Variants in RAD51B observed in about 807,000 individuals in gnomAD.
The protein encoded by RAD51B is RAD51 paralog B.
In RAD51B, 38 loss-of-function variants were observed where a neutral mutation model predicts 42.2. That is an observed-to-expected ratio of 0.90 (90% CI 0.70 to 1.18). The LOEUF (loss-of-function observed/expected upper bound fraction) is 1.18. Among genes scored for constraint, RAD51B ranks in the 50% most tolerant of loss-of-function variants. The probability of loss-of-function intolerance (pLI) is 0.00; values close to 1 mark genes in which losing one functional copy is unlikely to be tolerated. For missense variants in RAD51B, 373 were observed against 400.7 expected, an observed-to-expected ratio of 0.93 and a Z score of 0.59; for synonymous variants, 154 against 145.2, an observed-to-expected ratio of 1.06 and a Z score of -0.43.
chr14:68,356,725 T>A (rs1025005575), intron 8 of RAD51B, among the ~76,000 whole-genome samples: 3 of 151,968 alleles, frequency 2.0e-5, no homozygotes, highest in African/African-American at 7.2e-5. Flanking sequence ...CTCACGCCTG[T>A]AATCCCAGCA....
intron 7 of RAD51B, among the ~76,000 whole-genome samples, chr14:68,236,047 G>C (rs1308376315): frequency 6.6e-6 from 1 of 152,072 alleles, no homozygotes; most frequent in Non-Finnish European, 1.5e-5. Context: ...ACAGACACCA[G>C]GGCCTACTTG....
At chr14:67,887,915 G>A (rs545338948) in intron 7 of RAD51B, among the ~76,000 whole-genome samples, 18 of 152,114 alleles carry the variant, frequency 1.2e-4, no homozygotes, top group Non-Finnish European at 1.6e-4. Flanking sequence ...AGTTTTAGTC[G>A]TTGTTCCACA....
intron 10 of RAD51B, among the ~76,000 whole-genome samples, chr14:68,603,780 C>T (rs997704420): frequency 6.6e-6 from 1 of 152,244 alleles, no homozygotes; most frequent in Non-Finnish European, 1.5e-5. Context: ...GCACACGCCG[C>T]GTCTCGCCTT....
intron 11 of RAD51B, among the ~76,000 whole-genome samples, chr14:68,670,190 TG>T (rs1244733884): frequency 6.6e-6 from 1 of 152,136 alleles, no homozygotes; most frequent in Non-Finnish European, 1.5e-5. Flanking sequence ...ACGGGAAGTT[TG>T]GGATTGGAAC....
intron 5 of RAD51B, among the ~76,000 whole-genome samples, chr14:67,884,110 G>T (rs556212141): frequency 4.6e-5 from 7 of 152,270 alleles, no homozygotes; most frequent in Non-Finnish European, 1.0e-4. Flanking sequence ...TATATTTTTA[G>T]ATGTTTATTA....
intron 4 of RAD51B, among the ~76,000 whole-genome samples, chr14:67,855,247 T>C (rs1332130918): frequency 6.6e-6 from 1 of 151,836 alleles, no homozygotes; most frequent in Non-Finnish European, 1.5e-5. Flanking sequence ...TCTTTTTTTT[T>C]TGAGACAGAG....
chr14:67,861,875 GAT>G (rs1312790630), intron 4 of RAD51B, among the ~76,000 whole-genome samples: 2 of 151,802 alleles, frequency 1.3e-5, no homozygotes, highest in Non-Finnish European at 2.9e-5. Flanking sequence ...TGTTGTCAAA[GAT>G]ATGTGTGTCT....
intron 7 of RAD51B, among the ~76,000 whole-genome samples, chr14:67,939,206 G>A (rs1274314844): frequency 2.6e-5 from 4 of 151,784 alleles, no homozygotes; most frequent in South Asian, 2.1e-4. Context: ...ACTCTTCCCC[G>A]CCCCTGCCCC....
At chr14:67,958,053 G>T (rs2140222678) in intron 7 of RAD51B, among the ~76,000 whole-genome samples, 1 of 152,174 alleles carries the variant, frequency 6.6e-6, no homozygotes, top group South Asian at 2.1e-4. Context: ...TAAATATTTA[G>T]CTGTTGTTGA....
chr14:68,076,620 G>A (rs1305543542), intron 7 of RAD51B, among the ~76,000 whole-genome samples: 1 of 152,164 alleles, frequency 6.6e-6, no homozygotes, highest in Non-Finnish European at 1.5e-5. Context: ...TAATCAGTGT[G>A]AGTCACTTAG....
intron 7 of RAD51B, among the ~76,000 whole-genome samples, chr14:67,918,791 A>G (rs145364269): frequency 6.6e-6 from 1 of 152,368 alleles, no homozygotes; most frequent in African/African-American, 2.4e-5. Context: ...AGGGAAAATT[A>G]TGACAAACAT....
intron 7 of RAD51B, among the ~76,000 whole-genome samples, chr14:68,253,974 A>G (rs1445785604): frequency 6.6e-6 from 1 of 152,216 alleles, no homozygotes; most frequent in East Asian, 1.9e-4. Context: ...ATAGTTTTAT[A>G]ATTAACTCTA....
At chr14:68,046,079 A>G (rs1377902442) in intron 7 of RAD51B, among the ~76,000 whole-genome samples, 1 of 152,122 alleles carries the variant, frequency 6.6e-6, no homozygotes, top group Non-Finnish European at 1.5e-5. Flanking sequence ...TATGAAGTAG[A>G]TAGTTCATCT....
chr14:68,124,403 G>A (rs2077713500), intron 7 of RAD51B, among the ~76,000 whole-genome samples: 1 of 152,160 alleles, frequency 6.6e-6, no homozygotes, highest in South Asian at 2.1e-4. Flanking sequence ...CTAACTTCTA[G>A]CAGCCGTACA....
intron 7 of RAD51B, among the ~76,000 whole-genome samples, chr14:68,267,069 T>C (rs2081006744): frequency 6.6e-6 from 1 of 152,212 alleles, no homozygotes. Context: ...TCCTGAAAAG[T>C]TGACTTGTAA....
At chr14:68,278,650 A>G (rs2081266943) in intron 7 of RAD51B, among the ~76,000 whole-genome samples, 1 of 152,214 alleles carries the variant, frequency 6.6e-6, no homozygotes, top group Non-Finnish European at 1.5e-5. Flanking sequence ...GGGCTGAAAG[A>G]GCCAGTTACA....
chr14:68,186,956 G>A (rs955398522), intron 7 of RAD51B, among the ~76,000 whole-genome samples: 2 of 152,074 alleles, frequency 1.3e-5, no homozygotes, highest in Non-Finnish European at 2.9e-5. Context: ...GCAAAGACAT[G>A]GAATCAGCCT....
chr14:68,210,279 T>C (rs999646155), intron 7 of RAD51B, among the ~76,000 whole-genome samples: 2 of 152,110 alleles, frequency 1.3e-5, no homozygotes, highest in African/African-American at 4.8e-5. Flanking sequence ...TTAGAATAGT[T>C]CTATAGTTAG....
chr14:67,916,628 C>A (rs532558413), intron 7 of RAD51B, among the ~76,000 whole-genome samples: 1 of 152,172 alleles, frequency 6.6e-6, no homozygotes, highest in African/African-American at 2.4e-5. Flanking sequence ...TTATTTTAGC[C>A]ACAGACATGG....
Sources: gnomAD v4.1 joint callset for allele counts (sites outside exome capture counted in the v4.1 genomes callset) on GRCh38, gnomAD v4.1.1 for gene constraint, MANE v1.5 for transcripts, NCBI Gene and HGNC (gene_info 2026-07-23, HGNC 2026-07-21) for gene names.